Variants in AFF3 observed in about 807,000 individuals in gnomAD.
AFF3 encodes ALF transcription elongation factor 3, also known as AF4/FMR2 family member 3.
A neutral mutation model predicts 129.7 loss-of-function variants in AFF3; 32 were observed. The observed-to-expected ratio is 0.25, with a 90% CI of 0.19 to 0.33. The LOEUF (loss-of-function observed/expected upper bound fraction) is 0.33, where lower values mean the gene tolerates loss of function less well. Among genes scored for constraint, AFF3 ranks in the 10% least tolerant of loss-of-function variants. The pLI, the probability that AFF3 is intolerant of heterozygous loss-of-function variation, is 1.00. For missense variants in AFF3, 1,373 were observed against 1,592.0 expected, an observed-to-expected ratio of 0.86 and a Z score of 2.34; for synonymous variants, 644 against 635.4, an observed-to-expected ratio of 1.01 and a Z score of -0.20.
intron 4 of AFF3, among the ~76,000 whole-genome samples, chr2:100,037,336 G>A (rs1179247734): frequency 6.8e-6 from 1 of 148,108 alleles, no homozygotes; most frequent in Non-Finnish European, 1.5e-5. Flanking sequence ...ATCTGAACAT[G>A]TGTGAAAGGC....
chr2:100,142,028 A>G (rs530300473), intron 1 of AFF3, among the ~76,000 whole-genome samples: 11 of 151,790 alleles, frequency 7.2e-5, no homozygotes, highest in Admixed American at 1.3e-4. Flanking sequence ...TTGCAAGCTC[A>G]CTCACTGGGG....
intron 13 of AFF3, among the ~76,000 whole-genome samples, chr2:99,617,920 C>T (rs890259433): frequency 2.0e-5 from 3 of 152,122 alleles, no homozygotes; most frequent in Admixed American, 6.6e-5. Flanking sequence ...GCCCAGATCT[C>T]GGGCTCCTAA....
intron 7 of AFF3, among the ~76,000 whole-genome samples, chr2:99,963,362 G>A (rs1677416829): frequency 6.6e-6 from 1 of 152,066 alleles, no homozygotes; most frequent in Non-Finnish European, 1.5e-5. Context: ...CATCAGAATG[G>A]CTAAAATTGA....
At chr2:99,643,162 C>A (rs1040172903) in intron 13 of AFF3, among the ~76,000 whole-genome samples, 1 of 146,380 alleles carries the variant, frequency 6.8e-6, no homozygotes. Context: ...TGGGTTCAAG[C>A]GATTCTCCTG....
chr2:99,655,224 AC>A (rs1361138740), intron 12 of AFF3, among the ~76,000 whole-genome samples: 2 of 81,730 alleles, frequency 2.4e-5, no homozygotes, highest in Non-Finnish European at 6.0e-5. Context: ...ACACACACAC[AC>A]ACACACACAC....
At chr2:99,982,301 C>T (rs1679480962) in intron 7 of AFF3, among the ~76,000 whole-genome samples, 1 of 152,158 alleles carries the variant, frequency 6.6e-6, no homozygotes, top group Admixed American at 6.5e-5. Flanking sequence ...CTCACGAGAT[C>T]TGATGGTTTT....
intron 7 of AFF3, among the ~76,000 whole-genome samples, chr2:99,996,527 ATTTTTTTTTTTT>A (rs756231548): frequency 1.2e-3 from 142 of 114,086 alleles, no homozygotes; most frequent in African/African-American, 4.6e-3. Context: ...CGCCCGGCTA[ATTTTTTTTTTTT>A]TTTTTTTTTT....
In AFF3 at chr2:99,668,159, C is replaced by CA. The variant is rs910555277; in HGVS notation, c.1143+4378dup. ...GGTGACACAGTGAGACTCCATCTCCCAAAAAAAAAAATTTGTTTTTGTTTT... is the reference window on the plus strand; with the variant it reads ...GGTGACACAGTGAGACTCCATCTCCCAAAAAAAAAAAATTTGTTTTTGTTTT... On this transcript the variant is annotated intron_variant, in intron 12 of 24. Coordinates refer to ENST00000672756, the MANE Select transcript of AFF3 (RefSeq NM_001386135.1). 1.7e-3 allele frequency among the ~76,000 whole-genome samples: 242 copies of CA among 145,354 alleles called. 1 individual carries two copies. Among genetic ancestry groups the CA allele is most frequent in the Middle Eastern group, 0.014 (4 of 284 alleles).
At chr2:100,022,792 C>G (rs1559065849) in intron 4 of AFF3, among the ~76,000 whole-genome samples, 1 of 152,204 alleles carries the variant, frequency 6.6e-6, no homozygotes, top group African/African-American at 2.4e-5. Context: ...GCAGCTAGCT[C>G]TGTGATATGG....
At chr2:99,969,266 T>A (rs1229397726) in intron 7 of AFF3, among the ~76,000 whole-genome samples, 1 of 152,168 alleles carries the variant, frequency 6.6e-6, no homozygotes, top group African/African-American at 2.4e-5. Context: ...CAACTTCATG[T>A]TCTCTTTGGG....
chr2:99,901,933 TCAC>T, intron 7 of AFF3, among the ~76,000 whole-genome samples: 1 of 151,448 alleles, frequency 6.6e-6, no homozygotes, highest in African/African-American at 2.4e-5. Flanking sequence ...TCAGCTCCTG[TCAC>T]AACTCCACGT....
intron 4 of AFF3, among the ~76,000 whole-genome samples, chr2:100,070,975 TTCAG>T (rs1688138195): frequency 6.6e-6 from 1 of 152,208 alleles, no homozygotes; most frequent in Non-Finnish European, 1.5e-5. Flanking sequence ...GTTTCTGGTT[TTCAG>T]TATTAAAATT....
chr2:99,917,308 T>C (rs1315451940), intron 7 of AFF3, among the ~76,000 whole-genome samples: 1 of 152,122 alleles, frequency 6.6e-6, no homozygotes, highest in Non-Finnish European at 1.5e-5. Flanking sequence ...ATACTCCTCA[T>C]TGGCTGAACC....
intron 7 of AFF3, among the ~76,000 whole-genome samples, chr2:99,941,001 C>T (rs947115355): frequency 4.6e-5 from 7 of 152,108 alleles, no homozygotes; most frequent in Non-Finnish European, 1.0e-4. Context: ...TCTGGGACCA[C>T]TGGAGAGGAA....
chr2:99,929,424 T>C (rs557672333), intron 7 of AFF3, among the ~76,000 whole-genome samples: 1 of 152,362 alleles, frequency 6.6e-6, no homozygotes, highest in Non-Finnish European at 1.5e-5. Context: ...AAAATTAATT[T>C]TGGAGCAATT....
intron 4 of AFF3, among the ~76,000 whole-genome samples, chr2:100,099,989 ACCTCT>A (rs1359568826): frequency 7.6e-6 from 1 of 131,670 alleles, no homozygotes; most frequent in African/African-American, 2.9e-5. Flanking sequence ...CCCTGATGGT[ACCTCT>A]CCTCTGTCTA....
intron 7 of AFF3, among the ~76,000 whole-genome samples, chr2:99,949,454 T>G (rs1675935798): frequency 6.6e-6 from 1 of 152,056 alleles, no homozygotes; most frequent in Non-Finnish European, 1.5e-5. Context: ...ACATTTATTA[T>G]GTACCTTATT....
chr2:99,598,270 A>C (rs1413726918), intron 14 of AFF3, among the ~76,000 whole-genome samples: 5 of 152,164 alleles, frequency 3.3e-5, no homozygotes, highest in Non-Finnish European at 2.9e-5. Flanking sequence ...TATATTGTAC[A>C]ACAAAGGCCG....
chr2:100,047,129 G>A (rs953754358), intron 4 of AFF3, among the ~76,000 whole-genome samples: 3 of 152,204 alleles, frequency 2.0e-5, no homozygotes, highest in Non-Finnish European at 2.9e-5. Context: ...CGACGGCCAC[G>A]TGGAGCCAAT....
Sources: gnomAD v4.1 joint callset for allele counts (sites outside exome capture counted in the v4.1 genomes callset) on GRCh38, gnomAD v4.1.1 for gene constraint, MANE v1.5 for transcripts, NCBI Gene and HGNC (gene_info 2026-07-23, HGNC 2026-07-21) for gene names.